Variants in NTN4 observed in about 807,000 individuals in gnomAD.
The protein encoded by NTN4 is netrin-4.
A neutral mutation model predicts 73.6 loss-of-function variants in NTN4; 32 were observed. That is an observed-to-expected ratio of 0.44 (90% CI 0.33 to 0.58). The LOEUF is 0.58. NTN4 is among the 20% of genes least tolerant of loss of function. NTN4 has a pLI of 0.04. For missense variants in NTN4, 654 were observed against 798.3 expected (o/e 0.82, Z 2.18); for synonymous variants, 258 against 287.5 (o/e 0.90, Z 1.04).
At position 95,675,898 on chromosome 12, in the gene NTN4, G is replaced by A. The variant is rs145144531; in HGVS notation, c.1511-5752C>T. Reference sequence around the variant, plus strand: ...TGGGAAAAAACAATAAACCAACCACGTACACAAAACTCCAAACTATTATTC... The same window carrying A: ...TGGGAAAAAACAATAAACCAACCACATACACAAAACTCCAAACTATTATTC... On this transcript the variant is annotated intron_variant, in intron 7 of 9. Transcript: ENST00000343702. Among the ~76,000 whole-genome samples the A allele has an allele frequency of 1.5e-3, 231 of 152,056 alleles. 1 individual carries two copies. The Middle Eastern group carries it at 0.017, about 11-fold the overall frequency.
intron 3 of NTN4, among the ~76,000 whole-genome samples, chr12:95,722,573 C>G (rs367782004): frequency 6.6e-6 from 1 of 152,056 alleles, no homozygotes. Flanking sequence ...TGTAATGAGC[C>G]GAGACTGTGC....
In NTN4 at chr12:95,764,485, C is replaced by T. The variant is rs140888258; in HGVS notation, c.585+22454G>A. ...TTTGAGACCAGCCTGGCCAACATGG[C>T]GAAACCCCGTCTCTACTAAAAATAC... is the stretch of plus-strand genomic sequence containing the variant. On this transcript the variant is annotated intron_variant, in intron 2 of 9. Transcript: ENST00000343702. Among the ~76,000 whole-genome samples the T allele has an allele frequency of 2.5e-3, 376 of 152,128 alleles. 9 individuals carry two copies. The East Asian group carries it at 0.063, about 26-fold the overall frequency.
intron 2 of NTN4, among the ~76,000 whole-genome samples, chr12:95,766,825 C>T (rs1055805443): frequency 6.6e-6 from 1 of 152,180 alleles, no homozygotes; most frequent in African/African-American, 2.4e-5. Flanking sequence ...GCTTTTTTGG[C>T]AGTCATGGTA....
At chr12:95,736,518 A>G (rs1275768703) in intron 3 of NTN4, among the ~76,000 whole-genome samples, 1 of 152,226 alleles carries the variant, frequency 6.6e-6, no homozygotes, top group East Asian at 1.9e-4. Flanking sequence ...TCTACCTCAC[A>G]TAAACTTTCT....
chr12:95,761,340 T>TTTTTTTTTC (rs1555220936), intron 2 of NTN4, among the ~76,000 whole-genome samples: 2 of 146,292 alleles, frequency 1.4e-5, no homozygotes, highest in South Asian at 2.2e-4. Context: ...TTTTTTTTTT[T>TTTTTTTTTC]CCCCAAGACG....
intron 7 of NTN4, among the ~76,000 whole-genome samples, chr12:95,680,335 A>T (rs1400452730): frequency 6.6e-6 from 1 of 152,264 alleles, no homozygotes; most frequent in East Asian, 1.9e-4. Flanking sequence ...TTCACAGAAA[A>T]GGAAACCTGA....
intron 7 of NTN4, among the ~76,000 whole-genome samples, chr12:95,681,246 AAT>A (rs1325074321): frequency 6.6e-6 from 1 of 151,612 alleles, no homozygotes; most frequent in South Asian, 2.1e-4. Flanking sequence ...TGAAATACTC[AAT>A]ATATATATAG....
chr12:95,700,923 C>T, intron 5 of NTN4, among the ~76,000 whole-genome samples: 1 of 150,318 alleles, frequency 6.7e-6, no homozygotes, highest in Non-Finnish European at 1.5e-5. Context: ...AAGTGATTCT[C>T]CTGCCTCAGC....
At position 95,790,517 on chromosome 12, in the gene NTN4, C is replaced by A. The variant is rs1458363895; in HGVS notation, c.-208G>T. ...GGGGAGGTGGGGTGACCCTCGCGCA[C>A]CGGCCTGGCGGGTCCCGGGCACCTG... On this transcript the variant is annotated 5_prime_UTR_variant, in exon 1 of 10. Transcript: ENST00000343702. This position sits in a 1 kb window ranked among gnomAD's most constrained non-coding sequence, Gnocchi z 6.5. 5 of 415,500 alleles carry A rather than the reference C, an allele frequency of 1.2e-5. No individual in the cohort carries two copies. The South Asian group carries it at 2.8e-4, about 24-fold the overall frequency. 25.7% of individuals were successfully genotyped at this position (415,500 alleles called of 1,614,324 possible).
intron 5 of NTN4, among the ~76,000 whole-genome samples, chr12:95,703,249 T>G (rs2078499672): frequency 6.6e-6 from 1 of 152,166 alleles, no homozygotes; most frequent in Admixed American, 6.5e-5. Flanking sequence ...TCCAATAGAC[T>G]AGATTGCCCA....
chr12:95,712,086 C>G (rs1245838494), intron 4 of NTN4, among the ~76,000 whole-genome samples: 1 of 152,112 alleles, frequency 6.6e-6, no homozygotes, highest in South Asian at 2.1e-4. Flanking sequence ...ACAGTTTTAC[C>G]CACAGAACCT....
At chr12:95,742,224 G>A (rs115525548) in intron 2 of NTN4, among the ~76,000 whole-genome samples, 3,481 of 152,046 alleles carry the variant, frequency 0.023, 44 homozygotes, top group East Asian at 0.039. Flanking sequence ...GGCTAGGTGC[G>A]GTGGCTCATG....
intron 2 of NTN4, among the ~76,000 whole-genome samples, chr12:95,757,361 G>A (rs1440281655): frequency 5.3e-5 from 8 of 152,212 alleles, no homozygotes; most frequent in African/African-American, 1.9e-4. Context: ...GGCAGAGCCA[G>A]TACTTGAACC....
At chr12:95,705,176 A>AT (rs535164460) in intron 5 of NTN4, among the ~76,000 whole-genome samples, 29 of 150,026 alleles carry the variant, frequency 1.9e-4, no homozygotes, top group Middle Eastern at 3.4e-3. Flanking sequence ...TTTCAGGGCA[A>AT]TTTTTTTTTT....
At chr12:95,682,678 A>C (rs374058821) in intron 7 of NTN4, 29 bp downstream of exon 7, 2 of 1,497,178 alleles carry the variant, frequency 1.3e-6, no homozygotes, top group Non-Finnish European at 1.9e-6. Context: ...CAGACCTGAA[A>C]ATATGATGCC....
intron 5 of NTN4, among the ~76,000 whole-genome samples, chr12:95,700,816 T>TTC (rs1491062615): frequency 1.0e-4 from 1 of 9,756 alleles, no homozygotes; most frequent in Non-Finnish European, 2.7e-4. Flanking sequence ...CTTTCTTTCT[T>TTC]TTTTTTTTTT....
In NTN4 at chr12:95,787,014, C is replaced by T; in HGVS notation, c.510G>A (p.Leu170=). ...FATNCSATFG[L]EDDVVKKGAI... ...CGCCCTTCTTGACAACATCATCTTC[C>T]AGGCCAAATGTAGCGGAGCAGTTAG... Residue 170 remains leucine, a synonymous_variant, in exon 2 of 10, where the codon CTG becomes CTA. Transcript: ENST00000343702. 1 of 1,614,168 alleles carries T rather than the reference C, an allele frequency of 6.2e-7. No individual in the cohort carries two copies. The highest frequency in any genetic ancestry group is 1.1e-5 in the South Asian group (1 of 91,084).
intron 2 of NTN4, among the ~76,000 whole-genome samples, chr12:95,761,914 G>A (rs2078991688): frequency 6.6e-6 from 1 of 151,934 alleles, no homozygotes; most frequent in Non-Finnish European, 1.5e-5. Context: ...AAAGCTTTTA[G>A]CCATTTTTGC....
chr12:95,788,556 T>C (rs2079185701), intron 1 of NTN4, among the ~76,000 whole-genome samples: 1 of 152,176 alleles, frequency 6.6e-6, no homozygotes, highest in Admixed American at 6.5e-5. Flanking sequence ...AACCCTTAAA[T>C]TCTGGCTAAT....
Sources: gnomAD v4.1 joint callset for allele counts (sites outside exome capture counted in the v4.1 genomes callset) on GRCh38, gnomAD v4.1.1 for gene constraint, Gnocchi (gnomAD v3.1) non-coding constraint, MANE v1.5 for transcripts, NCBI Gene and HGNC (gene_info 2026-07-23, HGNC 2026-07-21) for gene names.